HAUS3: variants seen among roughly 807,000 people sequenced by gnomAD.
The protein encoded by HAUS3 is HAUS augmin-like complex subunit 3.
In HAUS3, 36 loss-of-function variants were observed where a neutral mutation model predicts 55.2. The ratio of observed to expected loss-of-function variants is 0.65; its 90% CI spans 0.50 to 0.86. The LOEUF (loss-of-function observed/expected upper bound fraction) is 0.86. Ranked by LOEUF, HAUS3 falls within the 40% of genes least tolerant of loss-of-function variation. The probability of loss-of-function intolerance (pLI) is 0.00; values close to 1 mark genes in which losing one functional copy is unlikely to be tolerated. For synonymous variants in HAUS3, 234 were observed against 238.6 expected, an observed-to-expected ratio of 0.98 and a Z score of 0.18; for missense variants, 752 against 671.5, an observed-to-expected ratio of 1.12 and a Z score of -1.33.
chr4:2,238,240 CA>C (rs1212126548), intron 4 of HAUS3, among the ~76,000 whole-genome samples: 5 of 152,096 alleles, frequency 3.3e-5, no homozygotes, highest in African/African-American at 1.2e-4. Context: ...CTACCTTCTC[CA>C]AATGCAGTCA....
At chr4:2,239,424 C>T (rs889650717) in intron 3 of HAUS3, among the ~76,000 whole-genome samples, 6 of 152,192 alleles carry the variant, frequency 3.9e-5, no homozygotes, top group South Asian at 2.1e-4. Flanking sequence ...AGCACTTCTA[C>T]GTAATTATTG....
Position 2,238,751 on chromosome 4 carries a change from A to G in HAUS3, c.1202T>C (p.Ile401Thr). 1.2e-6 allele frequency: 2 copies of G among 1,613,844 alleles called. No homozygotes were observed. The highest frequency in any genetic ancestry group is 3.3e-4 in the Middle Eastern group (2 of 6,058). Residue 401 changes from isoleucine to threonine, a missense_variant, in exon 4 of 6, where the codon ATA becomes ACA. By Grantham distance (89) the Ile-to-Thr change is moderately conservative. Transcript: ENST00000443786. ...YEIELRKHRD[I>T]YRQLENLVQE... ...AACCAAATTTTCAAGTTGACGATAT[A>G]TGTCCCGATGCTTTCTTAATTCAAT... is the stretch of plus-strand genomic sequence containing the variant.
In HAUS3 at chr4:2,231,747, A is replaced by C; in HGVS notation, c.*180T>G. On this transcript the variant is annotated 3_prime_UTR_variant, in exon 6 of 6. Transcript: ENST00000443786. ...CCACTAAACACATGCTCAAGTCATAAAAAGCACTGGTATTCTGAATGTACT... is the reference window on the plus strand; with the variant it reads ...CCACTAAACACATGCTCAAGTCATACAAAGCACTGGTATTCTGAATGTACT... 2.2e-6 allele frequency: 1 copy of C among 459,908 alleles called. No homozygotes were observed. The highest frequency in any genetic ancestry group is 3.9e-6 in the Non-Finnish European group (1 of 257,762). The allele number at this position is 459,908 out of a possible 1,614,324, so 28.5% of individuals were successfully genotyped here. A position where few individuals can be genotyped will look rare whatever the true frequency, so the allele number is the denominator to read the frequency against.
intron 5 of HAUS3, among the ~76,000 whole-genome samples, chr4:2,234,809 G>A (rs899899846): frequency 6.6e-6 from 1 of 152,142 alleles, no homozygotes; most frequent in Non-Finnish European, 1.5e-5. Context: ...ATTATTCACT[G>A]CAACTTTAAA....
rs539764036 is a variant in HAUS3, at chr4:2,231,066, C to G, written c.*861G>C. On this transcript the variant is annotated 3_prime_UTR_variant, in exon 6 of 6. Coordinates refer to ENST00000443786, the MANE Select transcript of HAUS3 (RefSeq NM_001303143.2). ...GCACTGCTCAGCTGTCTTGTAGAAA[C>G]TTTTGAGTCCCCAGAATTCAGACTC... The G allele has an allele frequency of 6.6e-6, 1 of 152,300 alleles. No individual in the cohort carries two copies. Among genetic ancestry groups the G allele is most frequent in the East Asian group, 1.9e-4 (1 of 5,180 alleles). 9.4% of individuals were successfully genotyped at this position (152,300 alleles called of 1,614,324 possible). A position where few individuals can be genotyped will look rare whatever the true frequency, so the allele number is the denominator to read the frequency against.
rs772132904 is a variant in HAUS3 at position 2,240,574 on chromosome 4, A to G, written c.373T>C (p.Leu125=). ...TTGTGGCTAGTTACTGAAGCCATCA[A>G]TTGACATTTATTACGTCGCTGAATT... ...LKIQRRNKCQ[L]MASVTSHKSL... is the part of the protein sequence containing the mutation. The change falls in exon 3 of 6, where the codon TTG becomes CTG. Residue 125 remains leucine, a synonymous_variant. Coordinates refer to ENST00000443786, the MANE Select transcript of HAUS3 (RefSeq NM_001303143.2). 12 of 1,613,094 alleles carry G rather than the reference A, an allele frequency of 7.4e-6. No homozygotes were observed. Among genetic ancestry groups the G allele is most frequent in the Non-Finnish European group, 9.3e-6 (11 of 1,179,816 alleles).
intron 5 of HAUS3, among the ~76,000 whole-genome samples, chr4:2,235,775 G>A (rs574676152): frequency 2.6e-5 from 4 of 152,148 alleles, no homozygotes; most frequent in African/African-American, 7.2e-5. Flanking sequence ...ATGTGTGTGC[G>A]TAATAAAACT....
rs748207491 is a variant in HAUS3 at position 2,238,817 on chromosome 4, T to C, written c.1136A>G (p.Lys379Arg). The change falls in exon 4 of 6, where the codon AAA (lysine) becomes AGA (arginine). Residue 379 changes from lysine to arginine, a missense_variant. Coordinates refer to ENST00000443786, the MANE Select transcript of HAUS3 (RefSeq NM_001303143.2). ...RQELVLNQLI[K>R]QKASFELLQL... ...TAGAAGTTCAAATGATGCCTTTTGT[T>C]TTATTAATTGATTTAAAACTAACTC... is the stretch of plus-strand genomic sequence containing the variant. 2 of 1,613,466 alleles carry C rather than the reference T, an allele frequency of 1.2e-6. No individual in the cohort carries two copies. The highest frequency in any genetic ancestry group is 1.7e-6 in the Non-Finnish European group (2 of 1,179,576).
chr4:2,241,861 C>A, intron 1 of HAUS3, 71 bp from the exon 2 acceptor site: 4 of 985,556 alleles, frequency 4.1e-6, no homozygotes, highest in Non-Finnish European at 4.8e-6. Flanking sequence ...GGGTGACAGG[C>A]CCCGCACAGC....
rs753662976 is a variant in HAUS3 at position 2,236,367 on chromosome 4, T to C, written c.1439A>G (p.Gln480Arg). 1 of 1,613,050 alleles carries C rather than the reference T, an allele frequency of 6.2e-7. No individual in the cohort carries two copies. Among genetic ancestry groups the C allele is most frequent in the African/African-American group, 1.3e-5 (1 of 74,912 alleles). The stretch of plus-strand genomic sequence containing the variant: ...CTGATCTTGTACTAAAGAAATATTC[T>C]GTTTCAATTTCTCAGCCACTTCCTC... ...NLEEVAEKLK[Q>R]NISLVQDQLA... is the part of the protein sequence containing the mutation. The change falls in exon 5 of 6, where the codon CAG becomes CGG. Residue 480 changes from glutamine (Q) to arginine (R), a missense_variant. Coordinates refer to ENST00000443786, the MANE Select transcript of HAUS3 (RefSeq NM_001303143.2).
At chr4:2,236,990 T>C (rs1734789640) in intron 4 of HAUS3, among the ~76,000 whole-genome samples, 1 of 151,788 alleles carries the variant, frequency 6.6e-6, no homozygotes, top group African/African-American at 2.4e-5. Context: ...ATATTCTAAC[T>C]ACTACATTAG....
In HAUS3 at chr4:2,240,723, G is replaced by C; in HGVS notation, c.224C>G (p.Ala75Gly). The C allele has an allele frequency of 1.2e-6, 2 of 1,613,810 alleles. No homozygotes were observed. Among genetic ancestry groups the C allele is most frequent in the Non-Finnish European group, 1.7e-6 (2 of 1,179,956 alleles). The stretch of plus-strand genomic sequence containing the variant: ...CGTTTTAAGAGCTTCATCCAATGCC[G>C]CCCCTTCTAGAATAGGCTTGCCTGA... The part of the protein sequence containing the change: ...QKSGKPILEG[A>G]ALDEALKTCK... Residue 75 changes from alanine (A) to glycine (G), a missense_variant, in exon 3 of 6, where the codon GCG becomes GGG. Coordinates refer to ENST00000443786, the MANE Select transcript of HAUS3 (RefSeq NM_001303143.2).
chr4:2,238,461 A>T, intron 4 of HAUS3, 143 bp downstream of exon 4: 2 of 521,970 alleles, frequency 3.8e-6, no homozygotes, highest in Admixed American at 3.7e-5. Context: ...AAAAAGGCAT[A>T]TGAAAATGGA....
At position 2,235,844 on chromosome 4, in the gene HAUS3, G is replaced by A. The variant is rs138808915; in HGVS notation, c.1578+384C>T. Among the ~76,000 whole-genome samples, 33 of 152,238 alleles carry A rather than the reference G, an allele frequency of 2.2e-4. 1 individual carries two copies. The East Asian group carries it at 4.1e-3, about 19-fold the overall frequency. On this transcript the variant is annotated intron_variant, in intron 5 of 5. Coordinates refer to ENST00000443786, the MANE Select transcript of HAUS3 (RefSeq NM_001303143.2). ...AGCATGGTAGTCACTCTTTGAGGAT[G>A]AGAGAGGAATTATATTAGGAGGAGC...
At position 2,231,674 on chromosome 4, in the gene HAUS3, T is replaced by C. The variant is rs1038191562; in HGVS notation, c.*253A>G. On this transcript the variant is annotated 3_prime_UTR_variant, in exon 6 of 6. Coordinates refer to ENST00000443786, the MANE Select transcript of HAUS3 (RefSeq NM_001303143.2). ...ACTATATTAAAAAATATTTGCATTA[T>C]GTAATAATGCTTTTTCCCTGTAAGT... The C allele has an allele frequency of 7.6e-6, 2 of 264,734 alleles. No homozygotes were observed. Among genetic ancestry groups the C allele is most frequent in the South Asian group, 1.9e-4 (2 of 10,258 alleles). The allele number at this position is 264,734 out of a possible 1,614,324, so 16.4% of individuals were successfully genotyped here.
Position 2,238,948 on chromosome 4 carries a change from A to G in HAUS3, c.1005T>C (p.Ser335=), listed in dbSNP as rs1734868653. The change falls in exon 4 of 6, where the codon AGT becomes AGC. Residue 335 remains serine (S), a synonymous_variant. Transcript: ENST00000443786. ...EKEVTQIKDR[S]LPAVVRENAQ... ...CATTCTCTCTTACCACAGCAGGTAA[A>G]CTTCTGTCTTTTATTTGAGTGACCT... 1.9e-6 allele frequency: 3 copies of G among 1,600,940 alleles called. No homozygotes were observed. Among genetic ancestry groups the G allele is most frequent in the Admixed American group, 3.5e-5 (2 of 57,110 alleles).
chr4:2,238,573 AT>A, intron 4 of HAUS3, 30 bp downstream of exon 4: 1 of 1,385,276 alleles, frequency 7.2e-7, no homozygotes, highest in East Asian at 2.4e-5. Flanking sequence ...AAAAGGAAAT[AT>A]TTACTAAAGA....
At chr4:2,233,985 A>G (rs1734670156) in intron 5 of HAUS3, among the ~76,000 whole-genome samples, 1 of 152,192 alleles carries the variant, frequency 6.6e-6, no homozygotes. Context: ...GAATGTATCC[A>G]GATGAAAGTA....
chr4:2,240,237 T>C lies in HAUS3; in HGVS notation c.710A>G (p.Asn237Ser), dbSNP rs368361238. ...HEVVESSNED[N>S]FQLLDIQTPS... The stretch of plus-strand genomic sequence containing the variant: ...TGTCTGTATATCTAAAAGTTGAAAA[T>C]TGTCTTCATTTGAACTTTCAACTAC... The change falls in exon 3 of 6, where the codon AAT becomes AGT. Residue 237 changes from asparagine to serine, a missense_variant. Transcript: ENST00000443786. The C allele has an allele frequency of 8.3e-5, 134 of 1,613,728 alleles. No homozygotes were observed. Among genetic ancestry groups the C allele is most frequent in the Middle Eastern group, 5.0e-4 (3 of 6,056 alleles).
Sources: gnomAD v4.1 joint callset for allele counts (sites outside exome capture counted in the v4.1 genomes callset) on GRCh38, gnomAD v4.1.1 for gene constraint, MANE v1.5 for transcripts, NCBI Gene and HGNC (gene_info 2026-07-23, HGNC 2026-07-21) for gene names.